RHBDF2: variants seen among roughly 807,000 people sequenced by gnomAD.
RHBDF2 encodes inactive rhomboid protein 2.
In RHBDF2, 38 loss-of-function variants were observed where a neutral mutation model predicts 95.2. The observed-to-expected ratio is 0.40, with a 90% CI of 0.31 to 0.52. The LOEUF (loss-of-function observed/expected upper bound fraction) is 0.52. RHBDF2 is among the 20% of genes least tolerant of loss of function. RHBDF2 has a pLI of 0.56. For synonymous variants in RHBDF2, 442 were observed against 462.0 expected, an observed-to-expected ratio of 0.96 and a Z score of 0.55; for missense variants, 863 against 1,137.7, an observed-to-expected ratio of 0.76 and a Z score of 3.47.
chr17:76,494,718 C>T (rs898343514), intron 1 of RHBDF2, among the ~76,000 whole-genome samples: 1 of 152,236 alleles, frequency 6.6e-6, no homozygotes, highest in African/African-American at 2.4e-5. Context: ...CGCCACTGCA[C>T]TCCAGCCTGG....
chr17:76,493,382 G>T (rs2074353976), intron 1 of RHBDF2, among the ~76,000 whole-genome samples: 1 of 152,146 alleles, frequency 6.6e-6, no homozygotes, highest in Admixed American at 6.5e-5. Context: ...TGGCACAGCT[G>T]TTCTTACACC....
At chr17:76,472,091 G>C (rs1270149753) in intron 18 of RHBDF2, 39 bp from the exon 19 acceptor site, 1 of 1,518,844 alleles carries the variant, frequency 6.6e-7, no homozygotes, top group East Asian at 2.4e-5. Flanking sequence ...CAGGCATCAG[G>C]TGGGTGGCCT....
intron 18 of RHBDF2, 68 bp downstream of exon 18, chr17:76,472,618 T>G: frequency 6.3e-7 from 1 of 1,599,486 alleles, no homozygotes; most frequent in Non-Finnish European, 8.6e-7. Flanking sequence ...AGATCCCAGG[T>G]GGGTGGAATA....
intron 11 of RHBDF2, 92 bp from the exon 12 acceptor site, chr17:76,474,626 T>C: frequency 6.2e-7 from 1 of 1,611,552 alleles, no homozygotes; most frequent in Non-Finnish European, 8.5e-7. Flanking sequence ...GAGTCTCCCC[T>C]GATGAGGGGC....
Position 76,474,475 on chromosome 17 carries a change from G to C in RHBDF2, c.1362C>G (p.Ile454Met). 1 of 1,614,146 alleles carries C rather than the reference G, an allele frequency of 6.2e-7. No homozygotes were observed. The highest frequency in any genetic ancestry group is 8.5e-7 in the Non-Finnish European group (1 of 1,180,016). The change falls in exon 12 of 19, where the codon ATC becomes ATG. Residue 454 changes from isoleucine (I) to methionine (M), a missense_variant. This residue lies in a region of RHBDF2 where 611 missense variants were observed against 725.5 expected (regional missense o/e 0.84). Transcript: ENST00000675367. ...CTCGCTCGCGCAGCACCAGCTGCTC[G>C]ATCTGCCCGTCCTTCCGGATGCAGG... ...FSPCIRKDGQ[I>M]EQLVLRERDL...
chr17:76,482,004 A>AC (rs2073987229), intron 2 of RHBDF2: 981 of 24,154 alleles, frequency 0.041, 28 homozygotes, highest in African/African-American at 0.063. Context: ...CACACACACA[A>AC]AACCAAAAAC....
chr17:76,480,000 AT>A (rs1384354432), intron 3 of RHBDF2, 146 bp from the exon 4 acceptor site: 10 of 831,150 alleles, frequency 1.2e-5, no homozygotes, highest in Non-Finnish European at 1.8e-5. Context: ...GGAAATATAT[AT>A]ATATAATGTG....
In RHBDF2 at chr17:76,471,969, G is replaced by T; in HGVS notation, c.2148C>A (p.Pro716=). 2 of 1,573,462 alleles carry T rather than the reference G, an allele frequency of 1.3e-6. No individual in the cohort carries two copies. Among genetic ancestry groups the T allele is most frequent in the East Asian group, 2.3e-5 (1 of 43,058 alleles). The change falls in exon 19 of 19, where the codon CCC becomes CCA. Residue 716 remains proline (P), a synonymous_variant. Transcript: ENST00000675367. Reference sequence around the variant, plus strand: ...CCGAGAGGTTGAGGAAGGCCTTCCAGGGCCTCTCCAGCAGCGGCCAGCTCT... The same window carrying T: ...CCGAGAGGTTGAGGAAGGCCTTCCATGGCCTCTCCAGCAGCGGCCAGCTCT... ...LFQSWPLLER[P]WKAFLNLSAI...
In RHBDF2 at chr17:76,474,734, C is replaced by A. The variant is rs770791420; in HGVS notation, c.1298G>T (p.Ser433Ile). The change falls in exon 11 of 19, where the codon AGC becomes ATC. Residue 433 changes from serine to isoleucine, a missense_variant. Around this residue, in one of 2 missense-constraint regions of RHBDF2, gnomAD observed 611 missense variants for 725.5 expected, o/e 0.84. Coordinates refer to ENST00000675367, the MANE Select transcript of RHBDF2 (RefSeq NM_001005498.4). ...IQQENFWVGP[S>I]SIDLIHLGAK... ...TCCCCCAGCCTGGGCCCTCACCGAG[C>A]TGGGGCCAACCCAGAAGTTCTCCTG... 1 of 1,614,218 alleles carries A rather than the reference C, an allele frequency of 6.2e-7. No homozygotes were observed. Among genetic ancestry groups the A allele is most frequent in the South Asian group, 1.1e-5 (1 of 91,084 alleles).
chr17:76,472,611 T>C, intron 18 of RHBDF2, 75 bp downstream of exon 18: 1 of 1,590,346 alleles, frequency 6.3e-7, no homozygotes, highest in Non-Finnish European at 8.6e-7. Context: ...CTCTGGCAGA[T>C]CCCAGGTGGG....
chr17:76,471,684 G>C lies in RHBDF2; in HGVS notation c.2433C>G (p.Pro811=). 2 of 1,610,354 alleles carry C rather than the reference G, an allele frequency of 1.2e-6. No individual in the cohort carries two copies. Among genetic ancestry groups the C allele is most frequent in the Non-Finnish European group, 1.7e-6 (2 of 1,178,596 alleles). Residue 811 remains proline, a synonymous_variant, in exon 19 of 19, where the codon CCC becomes CCG. Coordinates refer to ENST00000675367, the MANE Select transcript of RHBDF2 (RefSeq NM_001005498.4). The stretch of plus-strand genomic sequence containing the variant: ...ACTTCTCGCAGAAGCGGCTGGTGAA[G>C]GGGAAGCAGGTGAGGTGCTCGATCC... ...WPWIEHLTCF[P]FTSRFCEKYE...
chr17:76,478,904 A>T lies in RHBDF2; in HGVS notation c.574T>A (p.Ser192Thr). The change falls in exon 6 of 19, where the codon TCC (serine) becomes ACC (threonine). Residue 192 changes from serine to threonine, a missense_variant. This residue lies in a region of RHBDF2 where 611 missense variants were observed against 725.5 expected (regional missense o/e 0.84). Transcript: ENST00000675367. ...TAGCCAGAACGGACACTGGTGAAGG[A>T]GGTGAGGGACAGGACTCCGGGGGTC... ...PLTPGVLSLT[S>T]FTSVRSGYSH... is the part of the protein sequence containing the mutation. 1 of 1,611,090 alleles carries T rather than the reference A, an allele frequency of 6.2e-7. No individual in the cohort carries two copies. Among genetic ancestry groups the T allele is most frequent in the Non-Finnish European group, 8.5e-7 (1 of 1,178,556 alleles).
At chr17:76,489,458 G>T (rs1227419974) in intron 1 of RHBDF2, among the ~76,000 whole-genome samples, 1 of 151,662 alleles carries the variant, frequency 6.6e-6, no homozygotes, top group Non-Finnish European at 1.5e-5. Flanking sequence ...GGAGGAGCTG[G>T]GACTACAGAC....
At chr17:76,489,667 G>A (rs948730515) in intron 1 of RHBDF2, among the ~76,000 whole-genome samples, 2 of 150,552 alleles carry the variant, frequency 1.3e-5, no homozygotes, top group South Asian at 4.3e-4. Context: ...TCCTTTGAGG[G>A]GAACCCCAAG....
chr17:76,483,837 T>C (rs1598682103), intron 2 of RHBDF2, among the ~76,000 whole-genome samples: 1 of 152,196 alleles, frequency 6.6e-6, no homozygotes, highest in Non-Finnish European at 1.5e-5. Context: ...CAGTACCCCA[T>C]CTGGGGCTTT....
chr17:76,478,248 C>T (rs58228745), intron 6 of RHBDF2, among the ~76,000 whole-genome samples: 8,787 of 152,266 alleles, frequency 0.058, 532 homozygotes, highest in African/African-American at 0.13. Flanking sequence ...CGCCTGCTGC[C>T]CCCTCAAAGC....
chr17:76,481,990 CACACACACACACAA>C (rs1229775058), intron 2 of RHBDF2: 1,703 of 102,430 alleles, frequency 0.017, 39 homozygotes, highest in African/African-American at 0.038. Flanking sequence ...CACACACACA[CACACACACACACAA>C]AACCAAAAAC....
At chr17:76,482,909 C>T (rs1016752612) in intron 2 of RHBDF2, among the ~76,000 whole-genome samples, 4 of 151,650 alleles carry the variant, frequency 2.6e-5, no homozygotes, top group African/African-American at 7.3e-5. Context: ...GTGGCTTACA[C>T]GTACAATCCC....
chr17:76,489,121 G>A (rs975271292), intron 1 of RHBDF2, among the ~76,000 whole-genome samples: 6 of 151,922 alleles, frequency 3.9e-5, no homozygotes, highest in South Asian at 2.1e-4. Context: ...GCAAGACTCC[G>A]TCTCGAAACA....
Sources: gnomAD v4.1 joint callset for allele counts (sites outside exome capture counted in the v4.1 genomes callset) on GRCh38, gnomAD v4.1.1 for gene constraint, gnomAD v4.1.1 regional missense constraint, MANE v1.5 for transcripts, NCBI Gene and HGNC (gene_info 2026-07-23, HGNC 2026-07-21) for gene names.